The following EIF2A variants were observed in gnomAD, a reference collection of about 807,000 sequenced individuals.
EIF2A encodes the protein 65 kDa eukaryotic translation initiation factor 2A.
Under a neutral mutation model 75.2 loss-of-function variants are expected in EIF2A, and 62 were observed. That is an observed-to-expected ratio of 0.82 (90% CI 0.67 to 1.02). EIF2A has a LOEUF of 1.02. Among genes scored for constraint, EIF2A ranks in the 50% least tolerant of loss-of-function variants. The probability of loss-of-function intolerance (pLI) is 0.00; values close to 1 mark genes in which losing one functional copy is unlikely to be tolerated. For synonymous variants in EIF2A, 207 were observed against 239.0 expected, an observed-to-expected ratio of 0.87 and a Z score of 1.23; for missense variants, 611 against 677.7, an observed-to-expected ratio of 0.90 and a Z score of 1.09.
At chr3:150,573,932 C>T (rs565748328) in intron 10 of EIF2A, among the ~76,000 whole-genome samples, 108 of 152,038 alleles carry the variant, frequency 7.1e-4, no homozygotes, top group Non-Finnish European at 1.1e-3. Context: ...TTCGTTGGTC[C>T]GGTGTGGGGG....
intron 12 of EIF2A, 42 bp downstream of exon 12, chr3:150,581,788 A>C (rs1038829545): frequency 5.0e-5 from 78 of 1,549,278 alleles, no homozygotes; most frequent in Non-Finnish European, 5.7e-5. Context: ...AAAGGTATAC[A>C]TGAAAATTAT....
rs761518939 is a variant in EIF2A, at chr3:150,572,377, G to A, written c.1231G>A (p.Val411Ile). 1.2e-6 allele frequency: 2 copies of A among 1,613,942 alleles called. No homozygotes were observed. Among genetic ancestry groups the A allele is most frequent in the African/African-American group, 1.3e-5 (1 of 75,018 alleles). The change falls in exon 10 of 14, where the codon GTT (valine) becomes ATT (isoleucine). Residue 411 changes from valine (V) to isoleucine (I), a missense_variant. By Grantham distance (29) the Val-to-Ile change is conservative. Coordinates refer to ENST00000460851, the MANE Select transcript of EIF2A (RefSeq NM_032025.5). ...GCCATCAAATGCAGAATTATGGCAGGTTTCTTGGCAGCCATTTTTGGATGG... is the reference window on the plus strand; with the variant it reads ...GCCATCAAATGCAGAATTATGGCAGATTTCTTGGCAGCCATTTTTGGATGG... ...DVPSNAELWQVSWQPFLDGIF... is the reference protein window; with the variant it reads ...DVPSNAELWQISWQPFLDGIF...
Position 150,584,396 on chromosome 3 carries a change from G to A in EIF2A, c.*485G>A, listed in dbSNP as rs1725360621. On this transcript the variant is annotated 3_prime_UTR_variant, in exon 14 of 14. Transcript: ENST00000460851. ...CTAAGGCCATAAATTTAAGAAATTT[G>A]TCAGTGTCTCAAAGCTAGGAAATGG... Among the ~76,000 whole-genome samples the A allele has an allele frequency of 6.6e-6, 1 of 152,046 alleles. No individual in the cohort carries two copies. The highest frequency in any genetic ancestry group is 2.4e-5 in the African/African-American group (1 of 41,412).
intron 13 of EIF2A, 131 bp downstream of exon 13, chr3:150,583,396 T>A (rs1725302598): frequency 1.3e-6 from 1 of 765,612 alleles, no homozygotes; most frequent in Non-Finnish European, 2.0e-6. Flanking sequence ...TATGCCATAT[T>A]CTTTTTAATG....
At chr3:150,547,350 T>A (rs1723095071) in intron 1 of EIF2A, among the ~76,000 whole-genome samples, 2 of 152,166 alleles carry the variant, frequency 1.3e-5, no homozygotes, top group Admixed American at 1.3e-4. Context: ...AAGGTGTGGT[T>A]GGGAGAGGGT....
At chr3:150,559,116 C>T (rs1007351554) in intron 3 of EIF2A, among the ~76,000 whole-genome samples, 1 of 152,044 alleles carries the variant, frequency 6.6e-6, no homozygotes, top group African/African-American at 2.4e-5. Context: ...TGTTCTAAAC[C>T]ACATATAATA....
chr3:150,560,782 A>T (rs1328199610), intron 3 of EIF2A, among the ~76,000 whole-genome samples: 1 of 151,504 alleles, frequency 6.6e-6, no homozygotes, highest in African/African-American at 2.4e-5. Flanking sequence ...AGTCAGGCCA[A>T]ACTGATTTCA....
intron 1 of EIF2A, among the ~76,000 whole-genome samples, chr3:150,551,481 T>A (rs1723311927): frequency 6.6e-6 from 1 of 151,822 alleles, no homozygotes; most frequent in Non-Finnish European, 1.5e-5. Flanking sequence ...ACCTGTAATC[T>A]CAGCACTTTG....
At chr3:150,550,852 C>T (rs1487212780) in intron 1 of EIF2A, among the ~76,000 whole-genome samples, 1 of 152,178 alleles carries the variant, frequency 6.6e-6, no homozygotes, top group Non-Finnish European at 1.5e-5. Flanking sequence ...GAGACAGCAT[C>T]TCCCTATGTT....
chr3:150,573,924 C>T (rs192556449), intron 10 of EIF2A, among the ~76,000 whole-genome samples: 1 of 152,104 alleles, frequency 6.6e-6, no homozygotes, highest in Non-Finnish European at 1.5e-5. Flanking sequence ...AAAATGCGTT[C>T]GTTGGTCCGG....
chr3:150,580,281 C>G (rs573455454), intron 11 of EIF2A, among the ~76,000 whole-genome samples: 1 of 152,166 alleles, frequency 6.6e-6, no homozygotes, highest in South Asian at 2.1e-4. Context: ...TCCCTTTATC[C>G]TGGAGGGGCA....
At chr3:150,564,176 TAA>T (rs1360290467) in intron 5 of EIF2A, 121 bp from the exon 6 acceptor site, 2 of 677,160 alleles carry the variant, frequency 3.0e-6, no homozygotes, top group African/African-American at 3.7e-5. Context: ...ATCATATTTA[TAA>T]GTGTTTATAA....
intron 6 of EIF2A, chr3:150,564,599 G>T: frequency 2.8e-6 from 1 of 357,096 alleles, no homozygotes; most frequent in Non-Finnish European, 5.1e-6. Context: ...TCTGGTAATT[G>T]CTATTAAGAC....
At chr3:150,583,467 G>A (rs1225000842) in intron 13 of EIF2A, among the ~76,000 whole-genome samples, 2 of 152,158 alleles carry the variant, frequency 1.3e-5, no homozygotes, top group Non-Finnish European at 2.9e-5. Flanking sequence ...TCATGTGAAT[G>A]AAAAAGTCAA....
chr3:150,546,893 CT>C, intron 1 of EIF2A, 63 bp downstream of exon 1: 1 of 1,601,320 alleles, frequency 6.2e-7, no homozygotes. Context: ...TTGTCTTTGC[CT>C]TTGAGAACTA....
chr3:150,580,915 A>G (rs1725146760), intron 11 of EIF2A, among the ~76,000 whole-genome samples: 1 of 152,208 alleles, frequency 6.6e-6, no homozygotes, highest in Non-Finnish European at 1.5e-5. Context: ...TTCATCACAC[A>G]GCTTAAAACT....
chr3:150,551,266 C>T (rs1723300519), intron 1 of EIF2A, among the ~76,000 whole-genome samples: 1 of 152,098 alleles, frequency 6.6e-6, no homozygotes, highest in South Asian at 2.1e-4. Context: ...TTACTGTTTG[C>T]AAAGTTCAAT....
chr3:150,567,793 ATAT>A (rs1252012460), intron 7 of EIF2A, 27 bp downstream of exon 7: 1 of 1,570,724 alleles, frequency 6.4e-7, no homozygotes, highest in Non-Finnish European at 8.6e-7. Flanking sequence ...TTTATGTGTA[ATAT>A]TATGTGTTTA....
Position 150,585,988 on chromosome 3 carries a change from T to A in EIF2A, c.*2077T>A, listed in dbSNP as rs150465172. Among the ~76,000 whole-genome samples the A allele has an allele frequency of 8.3e-4, 126 of 152,332 alleles. No individual in the cohort carries two copies. The highest frequency in any genetic ancestry group is 2.9e-3 in the African/African-American group (120 of 41,576). On this transcript the variant is annotated 3_prime_UTR_variant, in exon 14 of 14. Transcript: ENST00000460851. ...CTCAGACTTCTAACCTCCAGAACTG[T>A]GAGAAAATAAACTTCTTTGTTTAAA... is the stretch of plus-strand genomic sequence containing the variant.
Sources: allele counts gnomAD v4.1 joint callset (sites outside exome capture counted in the v4.1 genomes callset), GRCh38; gene constraint gnomAD v4.1.1; transcripts MANE v1.5; gene names NCBI Gene and HGNC (gene_info 2026-07-23, HGNC 2026-07-21).